The following PIK3C2A variants were observed in gnomAD, a reference collection of about 807,000 sequenced individuals.
PIK3C2A encodes the protein phosphatidylinositol 4-phosphate 3-kinase C2 domain-containing subunit alpha.
In PIK3C2A, 97 loss-of-function variants were observed where a neutral mutation model predicts 204.5. The ratio of observed to expected loss-of-function variants is 0.47; its 90% CI spans 0.40 to 0.56. The LOEUF (loss-of-function observed/expected upper bound fraction) is 0.56. Ranked by LOEUF, PIK3C2A falls within the 20% of genes least tolerant of loss-of-function variation. The pLI is 0.00. For missense variants in PIK3C2A, 1,735 were observed against 1,969.2 expected, an observed-to-expected ratio of 0.88 and a Z score of 2.25; for synonymous variants, 653 against 664.4, an observed-to-expected ratio of 0.98 and a Z score of 0.26.
At chr11:17,198,749 C>T (rs910560371) in intron 1 of PIK3C2A, among the ~76,000 whole-genome samples, 5 of 151,852 alleles carry the variant, frequency 3.3e-5, no homozygotes. Context: ...TTACGATTGT[C>T]TCTGCGAATA....
At position 17,087,363 on chromosome 11, in the gene PIK3C2A, GAAAT is replaced by G. The variant is rs1320554013; in HGVS notation, c.*2371_*2374del. On this transcript the variant is annotated 3_prime_UTR_variant, in exon 33 of 33. Transcript: ENST00000691414. ...GGGCTGAAGATTAGCATTTCATAAA[GAAAT>G]AAACTATATGTAAAATGTATGTGTG... 6.6e-6 allele frequency: 1 copy of G among 152,066 alleles called. No individual in the cohort carries two copies. The highest frequency in any genetic ancestry group is 2.4e-5 in the African/African-American group (1 of 41,416). The allele number at this position is 152,066 out of a possible 1,614,324, so 9.4% of individuals were successfully genotyped here.
chr11:17,179,806 G>A (rs1319868137), intron 1 of PIK3C2A, among the ~76,000 whole-genome samples: 3 of 151,848 alleles, frequency 2.0e-5, no homozygotes, highest in Non-Finnish European at 4.4e-5. Context: ...TAGAGACAGG[G>A]TCTGGTTATA....
At chr11:17,201,026 T>C (rs980253631) in intron 1 of PIK3C2A, among the ~76,000 whole-genome samples, 1 of 151,454 alleles carries the variant, frequency 6.6e-6, no homozygotes, top group Non-Finnish European at 1.5e-5. Context: ...GCCAACATGG[T>C]GAAATCCCGT....
chr11:17,088,774 G>A lies in PIK3C2A; in HGVS notation c.*964C>T, dbSNP rs1256342717. On this transcript the variant is annotated 3_prime_UTR_variant, in exon 33 of 33. Transcript: ENST00000691414. ...CTTGTGAAGAGTCTGCCCTACTCAG[G>A]AATGGGCACATGGGTTAACAATTTT... The A allele has an allele frequency of 6.6e-6, 1 of 152,200 alleles. No individual in the cohort carries two copies. Among genetic ancestry groups the A allele is most frequent in the African/African-American group, 2.4e-5 (1 of 41,462 alleles). 9.4% of individuals were successfully genotyped at this position (152,200 alleles called of 1,614,324 possible).
intron 23 of PIK3C2A, 66 bp from the exon 24 acceptor site, chr11:17,102,897 T>G: frequency 4.9e-6 from 5 of 1,022,240 alleles, no homozygotes; most frequent in Non-Finnish European, 7.2e-6. Context: ...AGTTTATAAA[T>G]AGTAAAGTAA....
At chr11:17,095,259 G>A (rs61879695) in intron 27 of PIK3C2A, among the ~76,000 whole-genome samples, 32,418 of 151,080 alleles carry the variant, frequency 0.21, 3,797 homozygotes, top group Middle Eastern at 0.33. Flanking sequence ...GAGCGAGACC[G>A]TTTCTCAAAA....
In PIK3C2A at chr11:17,155,542, A is replaced by G. The variant is rs200864912; in HGVS notation, c.1153T>C (p.Cys385Arg). 1 of 1,591,790 alleles carries G rather than the reference A, an allele frequency of 6.3e-7. No individual in the cohort carries two copies. Among genetic ancestry groups the G allele is most frequent in the Non-Finnish European group, 8.6e-7 (1 of 1,163,216 alleles). The change falls in exon 3 of 33, where the codon TGT (cysteine) becomes CGT (arginine). Residue 385 changes from cysteine (C) to arginine (R), a missense_variant. Physicochemically the swap from Cys to Arg is radical, Grantham distance 180 (BLOSUM62 -3). This residue lies in a region of PIK3C2A where 536 missense variants were observed against 546.7 expected (regional missense o/e 0.98). Transcript: ENST00000691414. ...EVQNEEMAAF[C>R]RSITKLKTKF... ...ATTCCTTACTTTGTAATGGATCGAC[A>G]AAAAGCTGCCATCTCCTCATTCTGT...
intron 30 of PIK3C2A, 132 bp downstream of exon 30, chr11:17,091,864 G>C (rs1296471712): frequency 1.6e-5 from 12 of 728,722 alleles, no homozygotes; most frequent in Non-Finnish European, 2.6e-5. Flanking sequence ...AAATAGACTG[G>C]CTTAGAAAGA....
Position 17,114,690 on chromosome 11 carries a change from A to G in PIK3C2A, c.3217-225T>C, listed in dbSNP as rs995940859. Among the ~76,000 whole-genome samples, 9 of 152,356 alleles carry G rather than the reference A, an allele frequency of 5.9e-5. No individual in the cohort carries two copies. In the Middle Eastern group the frequency reaches 0.014, roughly 230 times the overall value. ...CCAACCAATGTATACGAAAATGTTAAAGCTCACTAATAGTCAAAGAAATAG... is the reference window on the plus strand; with the variant it reads ...CCAACCAATGTATACGAAAATGTTAGAGCTCACTAATAGTCAAAGAAATAG... On this transcript the variant is annotated intron_variant, in intron 19 of 32. Coordinates refer to ENST00000691414, the MANE Select transcript of PIK3C2A (RefSeq NM_002645.4).
At chr11:17,178,215 T>TA (rs1187020130) in intron 1 of PIK3C2A, among the ~76,000 whole-genome samples, 1 of 151,932 alleles carries the variant, frequency 6.6e-6, no homozygotes, top group Non-Finnish European at 1.5e-5. Flanking sequence ...TTTTAACAGG[T>TA]AATATAAAAA....
chr11:17,153,108 A>G (rs1850471195), intron 3 of PIK3C2A, among the ~76,000 whole-genome samples: 1 of 152,180 alleles, frequency 6.6e-6, no homozygotes, highest in Non-Finnish European at 1.5e-5. Context: ...TAAAGTGGCA[A>G]TAACTTCTAC....
chr11:17,131,416 T>G (rs990119121), intron 12 of PIK3C2A, among the ~76,000 whole-genome samples: 6 of 129,156 alleles, frequency 4.6e-5, no homozygotes, highest in Admixed American at 2.1e-4. Flanking sequence ...AAAAGGGTAT[T>G]TCATTTTTTT....
chr11:17,094,702 C>T (rs1848403522), intron 27 of PIK3C2A, among the ~76,000 whole-genome samples: 1 of 152,096 alleles, frequency 6.6e-6, no homozygotes. Flanking sequence ...GCCTGGGCAA[C>T]AGAGCGAGAC....
chr11:17,092,930 A>G (rs1848350968), intron 28 of PIK3C2A, among the ~76,000 whole-genome samples: 1 of 152,196 alleles, frequency 6.6e-6, no homozygotes, highest in Middle Eastern at 3.2e-3. Context: ...TTTTATCCAG[A>G]TCTGATCCCT....
chr11:17,176,520 C>A (rs1291666074), intron 1 of PIK3C2A, among the ~76,000 whole-genome samples: 1 of 151,562 alleles, frequency 6.6e-6, no homozygotes, highest in East Asian at 1.9e-4. Context: ...GCAGCTCAGG[C>A]CTATGATCCC....
chr11:17,169,959 AAC>A (rs1322259960), intron 1 of PIK3C2A, among the ~76,000 whole-genome samples, 153 bp from the exon 2 acceptor site: 1 of 152,252 alleles, frequency 6.6e-6, no homozygotes, highest in African/African-American at 2.4e-5. Context: ...TGGGTGAAGG[AAC>A]ACTTAACACC....
chr11:17,173,825 C>A (rs777536182), intron 1 of PIK3C2A, among the ~76,000 whole-genome samples: 1 of 152,122 alleles, frequency 6.6e-6, no homozygotes, highest in Non-Finnish European at 1.5e-5. Flanking sequence ...TTTGTTTAGA[C>A]AGAGTCTCAT....
At chr11:17,159,825 T>C (rs746085308) in intron 2 of PIK3C2A, among the ~76,000 whole-genome samples, 1 of 152,194 alleles carries the variant, frequency 6.6e-6, no homozygotes, top group South Asian at 2.1e-4. Flanking sequence ...AATGGTGCAG[T>C]TGCAGAACGC....
intron 2 of PIK3C2A, among the ~76,000 whole-genome samples, chr11:17,163,802 A>G (rs941985530): frequency 6.6e-6 from 1 of 152,122 alleles, no homozygotes; most frequent in Admixed American, 6.5e-5. Context: ...ACGTACTGAA[A>G]AAATTAGTAT....
Sources: allele counts gnomAD v4.1 joint callset (sites outside exome capture counted in the v4.1 genomes callset), GRCh38; gene constraint gnomAD v4.1.1; regional missense constraint gnomAD v4.1.1; transcripts MANE v1.5; gene names NCBI Gene and HGNC (gene_info 2026-07-23, HGNC 2026-07-21).